TRPV5: variants seen among roughly 807,000 people sequenced by gnomAD.
The protein encoded by TRPV5 is transient receptor potential cation channel subfamily V member 5.
Under a neutral mutation model 74.1 loss-of-function variants are expected in TRPV5, and 66 were observed. That is an observed-to-expected ratio of 0.89 (90% confidence interval 0.73 to 1.09). The LOEUF (loss-of-function observed/expected upper bound fraction) is 1.09. Ranked by LOEUF, TRPV5 falls within the 50% of genes least tolerant of loss-of-function variation. The probability of loss-of-function intolerance (pLI) is 0.00; values close to 1 mark genes in which losing one functional copy is unlikely to be tolerated. For synonymous variants in TRPV5, 399 were observed against 360.7 expected (o/e 1.11, Z -1.20); for missense variants, 936 against 930.4 (o/e 1.01, Z -0.08).
Position 142,928,868 on chromosome 7 carries a change from TG to T in TRPV5, c.587-3del. The T allele has an allele frequency of 3.7e-6, 6 of 1,613,920 alleles. No individual in the cohort carries two copies. Among genetic ancestry groups the T allele is most frequent in the Non-Finnish European group, 5.1e-6 (6 of 1,179,896 alleles). The stretch of plus-strand genomic sequence containing the variant: ...TGAGGATGTGTAATACTGTGTTTCC[TG>T]GGGAGGACGCAGGGTATCATGTGGC... On this transcript the variant is annotated splice_polypyrimidine_tract_variant and splice_region_variant and intron_variant, in intron 5 of 14. Transcript: ENST00000265310.
At chr7:142,912,413 T>G (rs988542402) in intron 13 of TRPV5, 69 bp downstream of exon 13, 1 of 1,555,428 alleles carries the variant, frequency 6.4e-7, no homozygotes, top group African/African-American at 1.4e-5. Context: ...TGATCCACCA[T>G]AACATTTTCC....
intron 8 of TRPV5, among the ~76,000 whole-genome samples, chr7:142,920,618 G>C (rs1349028862): frequency 6.6e-6 from 1 of 152,192 alleles, no homozygotes; most frequent in Admixed American, 6.5e-5. Flanking sequence ...ATTCTGAAGG[G>C]AGGCAGACTT....
intron 12 of TRPV5, 77 bp downstream of exon 12, chr7:142,914,563 A>C: frequency 8.1e-7 from 1 of 1,240,380 alleles, no homozygotes; most frequent in Non-Finnish European, 1.2e-6. Flanking sequence ...GCAAATGAGA[A>C]CTGAGAGCAA....
chr7:142,920,727 T>C (rs950499994), intron 8 of TRPV5, among the ~76,000 whole-genome samples: 4 of 152,228 alleles, frequency 2.6e-5, no homozygotes, highest in Non-Finnish European at 5.9e-5. Flanking sequence ...GTGGTGATGA[T>C]TGCATTTATT....
chr7:142,911,533 G>A (rs1032587632), intron 13 of TRPV5, among the ~76,000 whole-genome samples: 1 of 152,140 alleles, frequency 6.6e-6, no homozygotes, highest in Admixed American at 6.5e-5. Flanking sequence ...TTCCCAGTCC[G>A]ATTCCTCTGT....
chr7:142,931,342 C>G (rs1399199616), intron 1 of TRPV5, among the ~76,000 whole-genome samples: 2 of 152,038 alleles, frequency 1.3e-5, no homozygotes, highest in Non-Finnish European at 2.9e-5. Flanking sequence ...CAGGTCCCTG[C>G]AGGGGGTGGA....
chr7:142,926,500 G>A (rs1795991283), intron 7 of TRPV5, among the ~76,000 whole-genome samples: 1 of 152,130 alleles, frequency 6.6e-6, no homozygotes, highest in East Asian at 1.9e-4. Flanking sequence ...CTGGAGGGGA[G>A]GAGAGAGACA....
At chr7:142,917,553 A>G (rs1795822482) in intron 8 of TRPV5, among the ~76,000 whole-genome samples, 1 of 152,186 alleles carries the variant, frequency 6.6e-6, no homozygotes, top group Non-Finnish European at 1.5e-5. Flanking sequence ...AAACCCCTCT[A>G]ATGCTGGGGA....
At chr7:142,930,306 G>T in intron 2 of TRPV5, 43 bp downstream of exon 2, 4 of 1,609,754 alleles carry the variant, frequency 2.5e-6, no homozygotes, top group South Asian at 1.1e-5. Flanking sequence ...GGAGGAGTAG[G>T]TTCTTCTGCC....
At chr7:142,910,333 T>A (rs1795683506) in intron 13 of TRPV5, among the ~76,000 whole-genome samples, 2 of 152,250 alleles carry the variant, frequency 1.3e-5, no homozygotes, top group East Asian at 3.9e-4. Context: ...AGAACAAAGG[T>A]GTGGGAGTGC....
chr7:142,918,617 C>T (rs1421157501), intron 8 of TRPV5, among the ~76,000 whole-genome samples: 2 of 152,120 alleles, frequency 1.3e-5, no homozygotes, highest in Non-Finnish European at 1.5e-5. Context: ...TAATCTTTAT[C>T]GTCACAGAAA....
At chr7:142,911,132 T>A (rs998306500) in intron 13 of TRPV5, among the ~76,000 whole-genome samples, 2 of 152,348 alleles carry the variant, frequency 1.3e-5, no homozygotes, top group Middle Eastern at 3.4e-3. Flanking sequence ...CGTGTTGCAT[T>A]GCACATCCTC....
At chr7:142,911,099 C>T (rs531252582) in intron 13 of TRPV5, among the ~76,000 whole-genome samples, 113 of 152,302 alleles carry the variant, frequency 7.4e-4, no homozygotes, top group Admixed American at 1.4e-3. Flanking sequence ...CAGAATACAA[C>T]GTGAGTGGGG....
At chr7:142,909,312 C>A (rs779136764) in intron 14 of TRPV5, among the ~76,000 whole-genome samples, 178 bp downstream of exon 14, 1 of 152,152 alleles carries the variant, frequency 6.6e-6, no homozygotes, top group Non-Finnish European at 1.5e-5. Context: ...GACACATGCA[C>A]ACAACCTTTT....
intron 13 of TRPV5, 110 bp downstream of exon 13, chr7:142,912,372 T>C: frequency 7.0e-7 from 1 of 1,432,962 alleles, no homozygotes; most frequent in Non-Finnish European, 9.5e-7. Context: ...GGTGACAGCC[T>C]CACTGGGTTT....
intron 7 of TRPV5, among the ~76,000 whole-genome samples, chr7:142,927,261 T>C (rs1042622057): frequency 6.6e-6 from 1 of 152,188 alleles, no homozygotes; most frequent in African/African-American, 2.4e-5. Flanking sequence ...ACACAACTAT[T>C]ACGGCATATG....
Position 142,908,407 on chromosome 7 carries a change from A to G in TRPV5, c.*107T>C. Reference sequence around the variant, plus strand: ...AGGGATTGTTCTGTCTCACCCTCCCATGATTAACAGGCACAGAAGTTAGAC... The same window carrying G: ...AGGGATTGTTCTGTCTCACCCTCCCGTGATTAACAGGCACAGAAGTTAGAC... On this transcript the variant is annotated 3_prime_UTR_variant, in exon 15 of 15. Coordinates refer to ENST00000265310, the MANE Select transcript of TRPV5 (RefSeq NM_019841.7). 1 of 1,292,540 alleles carries G rather than the reference A, an allele frequency of 7.7e-7. No homozygotes were observed. Among genetic ancestry groups the G allele is most frequent in the Non-Finnish European group, 1.1e-6 (1 of 922,444 alleles). 80.1% of individuals were successfully genotyped at this position (1,292,540 alleles called of 1,614,324 possible). A position where few individuals can be genotyped will look rare whatever the true frequency, so the allele number is the denominator to read the frequency against.
At position 142,928,170 on chromosome 7, in the gene TRPV5, A is replaced by G. The variant is rs781041231; in HGVS notation, c.827T>C (p.Ile276Thr). 3.1e-6 allele frequency: 5 copies of G among 1,614,034 alleles called. No homozygotes were observed. Among genetic ancestry groups the G allele is most frequent in the Non-Finnish European group, 4.2e-6 (5 of 1,180,026 alleles). Residue 276 changes from isoleucine to threonine, a missense_variant, in exon 7 of 15, where the codon ATT (isoleucine) becomes ACT (threonine). Ile to Thr is a moderately conservative substitution (Grantham distance 89, BLOSUM62 -1). Coordinates refer to ENST00000265310, the MANE Select transcript of TRPV5 (RefSeq NM_019841.7). ...IQWTYGPLTS[I>T]LYDLTEIDSW... ...GTCGATCTCCGTGAGGTCGTAGAGA[A>G]TGGAGGTCAGGGGTCCATACGTCCA...
rs144573341 is a variant in TRPV5, at chr7:142,908,703, C to A, written c.2001G>T (p.Gln667His). The change falls in exon 15 of 15, where the codon CAG becomes CAT. Residue 667 changes from glutamine (Q) to histidine (H), a missense_variant. Transcript: ENST00000265310. ...EDDQEHPSEK[Q>H]PSGAESGTLA... ...GAGTCCCACTCTCAGCCCCAGAGGG[C>A]TGTTTCTCAGATGGATGCTCCTGGT... The A allele has an allele frequency of 3.8e-5, 62 of 1,614,214 alleles. No individual in the cohort carries two copies. Among genetic ancestry groups the A allele is most frequent in the Middle Eastern group, 3.3e-4 (2 of 6,062 alleles).
Sources: allele counts gnomAD v4.1 joint callset (sites outside exome capture counted in the v4.1 genomes callset), GRCh38; gene constraint gnomAD v4.1.1; transcripts MANE v1.5; gene names NCBI Gene and HGNC (gene_info 2026-07-23, HGNC 2026-07-21).